CACNA2D3: variants seen among roughly 807,000 people sequenced by gnomAD.
The protein encoded by CACNA2D3 is calcium voltage-gated channel auxiliary subunit alpha2delta 3.
CACNA2D3 carries 60 observed loss-of-function variants against 160.6 expected under a neutral mutation model. That is an observed-to-expected ratio of 0.37 (90% CI 0.30 to 0.46). The LOEUF is 0.46. Among genes scored for constraint, CACNA2D3 ranks in the 20% least tolerant of loss-of-function variants. The pLI, the probability that CACNA2D3 is intolerant of heterozygous loss-of-function variation, is 1.00. For missense variants in CACNA2D3, 1,205 were observed against 1,365.0 expected (o/e 0.88, Z 1.85); for synonymous variants, 558 against 492.9 (o/e 1.13, Z -1.75).
At chr3:54,669,680 C>T (rs1700124143) in intron 11 of CACNA2D3, among the ~76,000 whole-genome samples, 1 of 151,868 alleles carries the variant, frequency 6.6e-6, no homozygotes, top group Non-Finnish European at 1.5e-5. Context: ...GCAAATACTG[C>T]ATTAGAGAAA....
chr3:54,604,030 CTTTTATT>C (rs1265191715), intron 9 of CACNA2D3, among the ~76,000 whole-genome samples: 2 of 152,148 alleles, frequency 1.3e-5, no homozygotes, highest in South Asian at 2.1e-4. Context: ...CTTCTAGGGT[CTTTTATT>C]TTTTATTTTT....
At chr3:54,548,681 A>C (rs1702104990) in intron 5 of CACNA2D3, among the ~76,000 whole-genome samples, 1 of 152,216 alleles carries the variant, frequency 6.6e-6, no homozygotes, top group South Asian at 2.1e-4. Context: ...GGGGATCCTG[A>C]TCCAGGGACC....
At chr3:54,768,262 A>C (rs1321261599) in intron 13 of CACNA2D3, among the ~76,000 whole-genome samples, 2 of 152,192 alleles carry the variant, frequency 1.3e-5, no homozygotes, top group Non-Finnish European at 2.9e-5. Flanking sequence ...CGGGTCCTCA[A>C]AATTAGCACC....
At chr3:54,840,645 G>C (rs909990564) in intron 16 of CACNA2D3, among the ~76,000 whole-genome samples, 1 of 150,230 alleles carries the variant, frequency 6.7e-6, no homozygotes, top group Non-Finnish European at 1.5e-5. Context: ...TCCTGACTTG[G>C]TGATCCACCC....
intron 11 of CACNA2D3, among the ~76,000 whole-genome samples, chr3:54,661,344 G>A (rs934380697): frequency 6.6e-6 from 1 of 152,164 alleles, no homozygotes; most frequent in Non-Finnish European, 1.5e-5. Flanking sequence ...TTCAGATGAT[G>A]TGTTTCTATG....
At chr3:54,987,655 AC>A (rs777505812) in intron 30 of CACNA2D3, 27 bp from the exon 31 acceptor site, 2 of 1,476,808 alleles carry the variant, frequency 1.4e-6, no homozygotes, top group Non-Finnish European at 1.9e-6. Flanking sequence ...ATTTATCTAC[AC>A]CTCCTCATAT....
intron 31 of CACNA2D3, among the ~76,000 whole-genome samples, chr3:54,994,404 C>T (rs920760170): frequency 5.9e-5 from 9 of 152,146 alleles, no homozygotes; most frequent in African/African-American, 1.9e-4. Context: ...CTGACCTGAC[C>T]ATGTCCTCAG....
intron 11 of CACNA2D3, among the ~76,000 whole-genome samples, chr3:54,697,561 C>T (rs1700687293): frequency 6.6e-6 from 1 of 152,220 alleles, no homozygotes; most frequent in African/African-American, 2.4e-5. Flanking sequence ...ACTGCCCTTT[C>T]TCCACCTCTT....
At chr3:54,312,605 C>T (rs998448976) in intron 2 of CACNA2D3, among the ~76,000 whole-genome samples, 3 of 152,122 alleles carry the variant, frequency 2.0e-5, no homozygotes, top group Non-Finnish European at 4.4e-5. Context: ...CTTTTCTCTT[C>T]GTGGTGTTTG....
chr3:54,840,621 G>C (rs1698797747), intron 16 of CACNA2D3, among the ~76,000 whole-genome samples: 1 of 151,552 alleles, frequency 6.6e-6, no homozygotes, highest in Admixed American at 6.6e-5. Context: ...ATGTTGGTCA[G>C]GCTGGTCTTG....
chr3:54,334,227 C>T (rs1704327004), intron 3 of CACNA2D3, among the ~76,000 whole-genome samples: 2 of 152,050 alleles, frequency 1.3e-5, no homozygotes, highest in African/African-American at 2.4e-5. Context: ...GCTGGGATTA[C>T]AGGCGCTCGC....
Position 54,726,961 on chromosome 3 carries a change from G to A in CACNA2D3, c.1168-25638G>A, listed in dbSNP as rs137977779. ...CTTCTGCAAAGCAAAAGAAACTATC[G>A]TCAGAGTGAACAGGCAACCTACAGA... On this transcript the variant is annotated intron_variant, in intron 11 of 37. Transcript: ENST00000474759. Among the ~76,000 whole-genome samples, 916 of 152,196 alleles carry A rather than the reference G, an allele frequency of 6.0e-3. 11 individuals carry two copies. Among genetic ancestry groups the A allele is most frequent in the African/African-American group, 0.021 (875 of 41,528 alleles).
chr3:54,445,752 A>G (rs919639619), intron 4 of CACNA2D3, among the ~76,000 whole-genome samples: 1 of 152,154 alleles, frequency 6.6e-6, no homozygotes, highest in Non-Finnish European at 1.5e-5. Context: ...GTAGTCAGGA[A>G]AAACAGAAAG....
intron 27 of CACNA2D3, among the ~76,000 whole-genome samples, chr3:54,906,027 C>A (rs1195774514): frequency 6.6e-6 from 1 of 152,132 alleles, no homozygotes; most frequent in African/African-American, 2.4e-5. Flanking sequence ...CAATTGATGA[C>A]AAGGGCACTG....
chr3:54,409,808 A>G (rs965619761), intron 4 of CACNA2D3, among the ~76,000 whole-genome samples: 9 of 152,220 alleles, frequency 5.9e-5, no homozygotes, highest in Non-Finnish European at 1.2e-4. Flanking sequence ...GAAGGCTGAG[A>G]GAAGTGAGAA....
At chr3:55,067,108 G>GGC (rs1553642496) in intron 35 of CACNA2D3, among the ~76,000 whole-genome samples, 5 of 151,402 alleles carry the variant, frequency 3.3e-5, no homozygotes, top group South Asian at 2.1e-4. Context: ...TAGCGGGGGG[G>GGC]GCTTTTCTCC....
chr3:54,613,769 A>G (rs1698791340), intron 9 of CACNA2D3, among the ~76,000 whole-genome samples: 1 of 151,976 alleles, frequency 6.6e-6, no homozygotes, highest in Non-Finnish European at 1.5e-5. Flanking sequence ...GGATTCCATG[A>G]CTTTGTTACA....
chr3:54,833,814 C>T (rs538376979), intron 14 of CACNA2D3, among the ~76,000 whole-genome samples: 7 of 152,008 alleles, frequency 4.6e-5, no homozygotes, highest in South Asian at 4.2e-4. Flanking sequence ...TTCTGTGTTC[C>T]TGCCAGTCTT....
intron 13 of CACNA2D3, among the ~76,000 whole-genome samples, chr3:54,789,219 CTG>C (rs764745704): frequency 5.5e-4 from 83 of 152,112 alleles, no homozygotes; most frequent in Non-Finnish European, 2.4e-4. Flanking sequence ...GATGATAAAA[CTG>C]AGGCATTGAA....
Sources: allele counts gnomAD v4.1 joint callset (sites outside exome capture counted in the v4.1 genomes callset), GRCh38; gene constraint gnomAD v4.1.1; transcripts MANE v1.5; gene names NCBI Gene and HGNC (gene_info 2026-07-23, HGNC 2026-07-21).